Variants in TESMIN observed in about 807,000 individuals in gnomAD.
The protein encoded by TESMIN is testis expressed metallothionein like protein, also known as CXC domain containing 2.
TESMIN carries 34 observed loss-of-function variants against 47.4 expected under a neutral mutation model. That is an observed-to-expected ratio of 0.72 (90% CI 0.55 to 0.96). TESMIN has a LOEUF of 0.96. Among genes scored for constraint, TESMIN ranks in the 40% least tolerant of loss-of-function variants. The pLI is 0.00. For synonymous variants in TESMIN, 278 were observed against 258.9 expected, an observed-to-expected ratio of 1.07 and a Z score of -0.71; for missense variants, 610 against 637.2, an observed-to-expected ratio of 0.96 and a Z score of 0.46.
Position 68,707,662 on chromosome 11 carries a change from C to T in TESMIN, c.*646G>A. The T allele has an allele frequency of 3.3e-6, 1 of 303,120 alleles. No homozygotes were observed. The highest frequency in any genetic ancestry group is 6.9e-6 in the Non-Finnish European group (1 of 145,536). The allele number at this position is 303,120 out of a possible 1,614,324, so 18.8% of individuals were successfully genotyped here. On this transcript the variant is annotated 3_prime_UTR_variant, in exon 10 of 10. Transcript: ENST00000255087. ...AGAAGAAACTGGATAATTTTAAGTC[C>T]TCTAACTCAAGACATGCTGGTGCAA... is the stretch of plus-strand genomic sequence containing the variant.
chr11:68,715,284 A>G (rs1566313054), intron 7 of TESMIN, among the ~76,000 whole-genome samples: 1 of 152,214 alleles, frequency 6.6e-6, no homozygotes, highest in Non-Finnish European at 1.5e-5. Flanking sequence ...AAAAGCTGCA[A>G]GCTCCTGTGT....
chr11:68,729,333 G>A (rs1946301054), intron 6 of TESMIN, among the ~76,000 whole-genome samples: 1 of 151,212 alleles, frequency 6.6e-6, no homozygotes, highest in Non-Finnish European at 1.5e-5. Flanking sequence ...AGACCATCCT[G>A]GCCAACATGG....
rs145548910 is a variant in TESMIN, at chr11:68,738,778, G to C, written c.839C>G (p.Ala280Gly). Reference protein sequence around the residue: ...LNLITQQLEGALPSVVNGSAF... With the variant: ...LNLITQQLEGGLPSVVNGSAF... ...AGACCCGTTGACTACCGATGGTAAG[G>C]CTCCCTCAAGCTGTTCAAAGTCAAA... The change falls in exon 6 of 10, where the codon GCC (alanine) becomes GGC (glycine). Residue 280 changes from alanine (A) to glycine (G), a missense_variant. Ala to Gly is a moderately conservative substitution (Grantham distance 60, BLOSUM62 0). Transcript: ENST00000255087. The C allele has an allele frequency of 1.5e-3, 2,349 of 1,613,442 alleles. 7 individuals carry two copies. Among genetic ancestry groups the C allele is most frequent in the Non-Finnish European group, 1.5e-3 (1,757 of 1,179,422 alleles).
Position 68,742,315 on chromosome 11 carries a change from CACTT to C in TESMIN, c.827_828+2del. 4.5e-6 allele frequency: 7 copies of C among 1,566,264 alleles called. No individual in the cohort carries two copies. The highest frequency in any genetic ancestry group is 6.1e-6 in the Non-Finnish European group (7 of 1,146,090). ...TATTTTTTAAATTAAAACAATGACTCACTTGTTGTGTAATGAGATTTAATTTTGT... is the reference window on the plus strand; with the variant it reads ...TATTTTTTAAATTAAAACAATGACTCGTTGTGTAATGAGATTTAATTTTGT... On this transcript the variant is annotated splice_donor_variant and coding_sequence_variant, in exon 5 of 10. Transcript: ENST00000255087. LOFTEE classifies it high-confidence loss of function.
At chr11:68,718,546 A>C (rs1946168856) in intron 6 of TESMIN, among the ~76,000 whole-genome samples, 3 of 152,208 alleles carry the variant, frequency 2.0e-5, no homozygotes, top group Admixed American at 1.3e-4. Flanking sequence ...AGAAATACTG[A>C]ATATTAAGAA....
chr11:68,727,798 C>A (rs2153991474), intron 6 of TESMIN, among the ~76,000 whole-genome samples: 1 of 152,246 alleles, frequency 6.6e-6, no homozygotes. Flanking sequence ...TGTTTCAAAC[C>A]TTTTCATTAC....
rs1396019198 is a variant in TESMIN, at chr11:68,738,707, A to C, written c.910T>G (p.Leu304Val). 3 of 1,613,806 alleles carry C rather than the reference A, an allele frequency of 1.9e-6. No individual in the cohort carries two copies. The highest frequency in any genetic ancestry group is 1.7e-5 in the Admixed American group (1 of 59,984). Reference sequence around the variant, plus strand: ...ATTGCTTCTAATCCTTACCCAGCCAAAGTTATTTTTGGTGGTCCTGGAAGA... The same window carrying C: ...ATTGCTTCTAATCCTTACCCAGCCACAGTTATTTTTGGTGGTCCTGGAAGA... ...STLPGPPKIT[L>V]AGYCDCFASG... The change falls in exon 6 of 10, where the codon TTG (leucine) becomes GTG (valine). Residue 304 changes from leucine to valine, a missense_variant. By Grantham distance (32) the Leu-to-Val change is conservative. Coordinates refer to ENST00000255087, the MANE Select transcript of TESMIN (RefSeq NM_004923.3).
chr11:68,722,992 A>T (rs1373562813), intron 6 of TESMIN, among the ~76,000 whole-genome samples: 1 of 152,222 alleles, frequency 6.6e-6, no homozygotes, highest in African/African-American at 2.4e-5. Context: ...TTTTAGCAAA[A>T]ACATAAAAAT....
chr11:68,709,003 G>A (rs1223080803), intron 9 of TESMIN, among the ~76,000 whole-genome samples: 7 of 151,230 alleles, frequency 4.6e-5, no homozygotes, highest in East Asian at 1.9e-4. Flanking sequence ...TGCCCTCCTC[G>A]GCCTCTCAAA....
At chr11:68,751,018 G>C in intron 1 of TESMIN, among the ~76,000 whole-genome samples, 1 of 86,400 alleles carries the variant, frequency 1.2e-5, no homozygotes, top group Admixed American at 1.1e-4. Context: ...GGGAGGGGCG[G>C]CCGGGGAGGG....
At chr11:68,721,972 T>A (rs1204452513) in intron 6 of TESMIN, among the ~76,000 whole-genome samples, 2 of 152,176 alleles carry the variant, frequency 1.3e-5, no homozygotes, top group Admixed American at 6.5e-5. Context: ...CACTTCTGGG[T>A]ATGTACGCAA....
At chr11:68,751,234 G>A (rs1385795763) in intron 1 of TESMIN, among the ~76,000 whole-genome samples, 186 bp downstream of exon 1, 1 of 135,550 alleles carries the variant, frequency 7.4e-6, no homozygotes, top group Non-Finnish European at 1.6e-5. Context: ...AGGGGGTCAG[G>A]TGAGGAGCAG....
At chr11:68,728,696 A>T (rs980212563) in intron 6 of TESMIN, among the ~76,000 whole-genome samples, 11 of 152,244 alleles carry the variant, frequency 7.2e-5, no homozygotes, top group African/African-American at 2.7e-4. Flanking sequence ...TTATTGGGAT[A>T]TGGTGCAGTT....
chr11:68,706,731 G>A (rs1946002357), downstream of TESMIN, among the ~76,000 whole-genome samples: 1 of 152,186 alleles, frequency 6.6e-6, no homozygotes, highest in Non-Finnish European at 1.5e-5. Context: ...TAGTATTTTG[G>A]ATACATTGGG....
intron 9 of TESMIN, 42 bp from the exon 10 acceptor site, chr11:68,708,542 C>T (rs751652860): frequency 4.0e-6 from 6 of 1,512,606 alleles, no homozygotes; most frequent in Admixed American, 4.1e-5. Flanking sequence ...AACAGTGCAC[C>T]ATTTCTACCT....
At position 68,750,316 on chromosome 11, in the gene TESMIN, CG is replaced by C; in HGVS notation, c.344del (p.Pro115ArgfsTer41). 6.6e-7 allele frequency: 1 copy of C among 1,517,186 alleles called. No homozygotes were observed. Among genetic ancestry groups the C allele is most frequent in the Non-Finnish European group, 8.8e-7 (1 of 1,137,726 alleles). 94.0% of individuals were successfully genotyped at this position (1,517,186 alleles called of 1,614,324 possible). On this transcript the variant is annotated frameshift_variant, in exon 2 of 10. Transcript: ENST00000255087. LOFTEE classifies it high-confidence loss of function. ...ALEDVALLQA[P>X]QPPACNVHFL... ...AGTGCACGTTGCAGGCGGGCGGCTGCGGGGCCTGCAGGAGCGCGACGTCCTC... is the reference window on the plus strand; with the variant it reads ...AGTGCACGTTGCAGGCGGGCGGCTGCGGGCCTGCAGGAGCGCGACGTCCTC...
chr11:68,704,894 T>C (rs181508291), downstream of TESMIN, among the ~76,000 whole-genome samples: 30 of 152,210 alleles, frequency 2.0e-4, no homozygotes, highest in Non-Finnish European at 3.2e-4. Flanking sequence ...TGATAGTCAT[T>C]TTTAAATATA....
At chr11:68,731,585 G>A (rs12292257) in intron 6 of TESMIN, among the ~76,000 whole-genome samples, 1,745 of 152,278 alleles carry the variant, frequency 0.011, 30 homozygotes, top group African/African-American at 0.039. Flanking sequence ...ATTGCCTTGC[G>A]CTCATGACTT....
downstream of TESMIN, among the ~76,000 whole-genome samples, chr11:68,705,952 G>A (rs1945992836): frequency 6.7e-6 from 1 of 148,250 alleles, no homozygotes; most frequent in African/African-American, 2.5e-5. Flanking sequence ...GAACCCAGAA[G>A]GCGGAGGTTG....
Sources: allele counts gnomAD v4.1 joint callset (sites outside exome capture counted in the v4.1 genomes callset), GRCh38; gene constraint gnomAD v4.1.1; transcripts MANE v1.5; gene names NCBI Gene and HGNC (gene_info 2026-07-23, HGNC 2026-07-21).